The following BLMH variants were observed in gnomAD, a reference collection of about 807,000 sequenced individuals.
BLMH encodes the protein bleomycin hydrolase, also known as BLM hydrolase.
Under a neutral mutation model 61.6 loss-of-function variants are expected in BLMH, and 32 were observed. That is an observed-to-expected ratio of 0.52 (90% CI 0.39 to 0.70). The LOEUF is 0.70. BLMH is among the 30% of genes least tolerant of loss of function. The pLI, the probability that BLMH is intolerant of heterozygous loss-of-function variation, is 0.00. For synonymous variants in BLMH, 183 were observed against 193.8 expected (o/e 0.94, Z 0.46); for missense variants, 460 against 555.5 (o/e 0.83, Z 1.73).
chr17:30,271,861 G>A (rs1439847499), intron 9 of BLMH, among the ~76,000 whole-genome samples: 1 of 152,152 alleles, frequency 6.6e-6, no homozygotes, highest in African/African-American at 2.4e-5. Context: ...TAAATACAAA[G>A]AAACAAAAGG....
Position 30,248,734 on chromosome 17 carries a change from GACAA to G in BLMH, c.*279_*282del, listed in dbSNP as rs1347215066. 11 of 342,746 alleles carry G rather than the reference GACAA, an allele frequency of 3.2e-5. No homozygotes were observed. In the Middle Eastern group the frequency reaches 2.5e-3, roughly 76 times the overall value. 21.2% of individuals were successfully genotyped at this position (342,746 alleles called of 1,614,324 possible). On this transcript the variant is annotated 3_prime_UTR_variant, in exon 12 of 12. Transcript: ENST00000261714. Reference sequence around the variant, plus strand: ...AGAACCAAACTTTTTGACAGTTAAAGACAAACAATTACATCTAATTAAAATGCTA... The same window carrying G: ...AGAACCAAACTTTTTGACAGTTAAAGACAATTACATCTAATTAAAATGCTA...
chr17:30,266,523 CAAAAAAAAAAAA>C (rs770078465), intron 11 of BLMH, among the ~76,000 whole-genome samples: 1 of 53,080 alleles, frequency 1.9e-5, no homozygotes, highest in African/African-American at 5.7e-5. Context: ...AGACTCTGTC[CAAAAAAAAAAAA>C]AAAGAAAAAA....
intron 11 of BLMH, among the ~76,000 whole-genome samples, chr17:30,258,071 G>A (rs544589693): frequency 1.3e-5 from 2 of 152,110 alleles, no homozygotes; most frequent in Admixed American, 6.5e-5. Flanking sequence ...GGGCCCAAAC[G>A]ATCCTCCTGC....
chr17:30,289,392 T>C lies in BLMH; in HGVS notation c.302A>G (p.Tyr101Cys). 1 of 1,607,804 alleles carries C rather than the reference T, an allele frequency of 6.2e-7. No individual in the cohort carries two copies. Among genetic ancestry groups the C allele is most frequent in the South Asian group, 1.1e-5 (1 of 90,678 alleles). ...NIEEFEFSQSYLFFWDKVERC... is the reference protein window; with the variant it reads ...NIEEFEFSQSCLFFWDKVERC... ...CCATACCTTGTCCCAAAAAAACAGG[T>C]AAGATTGGCTAAACTCAAATTCTTC... Residue 101 changes from tyrosine (Y) to cysteine (C), a missense_variant, in exon 3 of 12, where the codon TAC (tyrosine) becomes TGC (cysteine). Tyr to Cys is a radical substitution (Grantham distance 194). Transcript: ENST00000261714.
intron 10 of BLMH, among the ~76,000 whole-genome samples, chr17:30,270,476 T>G (rs956900259): frequency 6.9e-6 from 1 of 144,984 alleles, no homozygotes; most frequent in Non-Finnish European, 1.5e-5. Context: ...CACTCCTGCC[T>G]GGATGACAGA....
At chr17:30,269,546 T>C (rs1252248329) in intron 10 of BLMH, among the ~76,000 whole-genome samples, 2 of 152,156 alleles carry the variant, frequency 1.3e-5, no homozygotes, top group Non-Finnish European at 2.9e-5. Context: ...TTTTGTTAAA[T>C]TGGGGTGATA....
In BLMH at chr17:30,291,641, A is replaced by C. The variant is rs1358296369; in HGVS notation, c.14-133T>G. 2.9e-6 allele frequency: 4 copies of C among 1,387,540 alleles called. No individual in the cohort carries two copies. The Admixed American group carries it at 8.8e-5, about 31-fold the overall frequency. 86.0% of individuals were successfully genotyped at this position (1,387,540 alleles called of 1,614,324 possible). ...TGCAGCGGGGAAACCCATAAGCGGC[A>C]TCCTCCTCCAAGGAGCTGTCTCCCT... On this transcript the variant is annotated intron_variant, in intron 1 of 11. Transcript: ENST00000261714.
At chr17:30,287,077 GCT>G (rs1230140536) in intron 4 of BLMH, among the ~76,000 whole-genome samples, 175 bp from the exon 5 acceptor site, 1 of 151,984 alleles carries the variant, frequency 6.6e-6, no homozygotes, top group Non-Finnish European at 1.5e-5. Flanking sequence ...ACAGAGTTTT[GCT>G]CTGTCACTCA....
At chr17:30,262,613 T>A (rs1397669752) in intron 11 of BLMH, among the ~76,000 whole-genome samples, 1 of 152,018 alleles carries the variant, frequency 6.6e-6, no homozygotes, top group Non-Finnish European at 1.5e-5. Flanking sequence ...GCTAACACAG[T>A]GAAACTCTGT....
At chr17:30,276,468 C>T (rs1369162837) in intron 6 of BLMH, among the ~76,000 whole-genome samples, 1 of 150,108 alleles carries the variant, frequency 6.7e-6, no homozygotes, top group Non-Finnish European at 1.5e-5. Flanking sequence ...AAAGATTATA[C>T]ACTTCTTAAA....
In BLMH at chr17:30,249,090, T is replaced by A. The variant is rs760171440; in HGVS notation, c.1295A>T (p.Glu432Val). 4.3e-6 allele frequency: 7 copies of A among 1,613,980 alleles called. No individual in the cohort carries two copies. The African/African-American group carries it at 9.3e-5, about 22-fold the overall frequency. The change falls in exon 12 of 12, where the codon GAG becomes GTG. Residue 432 changes from glutamate (E) to valine (V), a missense_variant. By Grantham distance (121) the Glu-to-Val change is moderately radical. Around this residue, in one of 5 missense-constraint regions of BLMH, gnomAD observed 310 missense variants for 371.1 expected, o/e 0.84. Transcript: ENST00000261714. ...VVVDRKHVPE[E>V]VLAVLEQEPI... ...TTCCTGCTCTAACACAGCTAGCACC[T>A]CTTCAGGGACATGCTTCCTGTCCAC...
At chr17:30,285,338 T>C in intron 6 of BLMH, 50 bp downstream of exon 6, 2 of 1,292,930 alleles carry the variant, frequency 1.5e-6, no homozygotes, top group African/African-American at 3.0e-5. Context: ...ATGGGAATAT[T>C]CTGAGAGTTC....
chr17:30,266,874 A>G lies in BLMH; in HGVS notation c.1216+11T>C. The G allele has an allele frequency of 6.2e-7, 1 of 1,613,554 alleles. No individual in the cohort carries two copies. The highest frequency in any genetic ancestry group is 8.5e-7 in the Non-Finnish European group (1 of 1,179,524). On this transcript the variant is annotated intron_variant, in intron 11 of 11. Coordinates refer to ENST00000261714, the MANE Select transcript of BLMH (RefSeq NM_000386.4). ...AGTCACCTGGAGTTAGTATTACCAA[A>G]CTGAGCTCACCTTTGTGGCCATGGT... is the stretch of plus-strand genomic sequence containing the variant.
rs549771146 is a variant in BLMH at position 30,266,910 on chromosome 17, T to C, written c.1191A>G (p.Ser397=). 1.2e-6 allele frequency: 2 copies of C among 1,614,152 alleles called. No individual in the cohort carries two copies. The highest frequency in any genetic ancestry group is 3.3e-5 in the Admixed American group (2 of 60,022). Residue 397 remains serine, a synonymous_variant, in exon 11 of 12, where the codon TCA becomes TCG. Transcript: ENST00000261714. ...CTTTGTGGCCATGGTCTTCACCCCATGAATTCTCCACTCTCCATTTTGTGA... is the reference window on the plus strand; with the variant it reads ...CTTTGTGGCCATGGTCTTCACCCCACGAATTCTCCACTCTCCATTTTGTGA... ...GAFTKWRVEN[S]WGEDHGHKGY... is the part of the protein sequence containing the mutation.
chr17:30,269,334 C>T (rs1406559201), intron 10 of BLMH, among the ~76,000 whole-genome samples: 1 of 151,584 alleles, frequency 6.6e-6, no homozygotes, highest in Non-Finnish European at 1.5e-5. Flanking sequence ...GTGCACGCCA[C>T]CATGCCCAGC....
intron 3 of BLMH, among the ~76,000 whole-genome samples, chr17:30,289,165 T>C (rs1908814187): frequency 6.6e-6 from 1 of 152,124 alleles, no homozygotes; most frequent in South Asian, 2.1e-4. Context: ...TCAGTAAACT[T>C]ATTTCATTGC....
chr17:30,280,326 A>G (rs1335150143), intron 6 of BLMH, among the ~76,000 whole-genome samples: 2 of 152,198 alleles, frequency 1.3e-5, no homozygotes, highest in South Asian at 2.1e-4. Context: ...AGTGCTTGAA[A>G]CCACTGCAGA....
intron 2 of BLMH, among the ~76,000 whole-genome samples, chr17:30,290,081 A>T (rs1439678212): frequency 6.6e-6 from 1 of 152,204 alleles, no homozygotes; most frequent in Non-Finnish European, 1.5e-5. Flanking sequence ...TTTTGTAACA[A>T]GAAGAAAACT....
intron 5 of BLMH, 96 bp from the exon 6 acceptor site, chr17:30,285,576 T>G (rs537655865): frequency 1.5e-5 from 14 of 925,446 alleles, no homozygotes; most frequent in African/African-American, 6.7e-5. Context: ...GAGGTATAAC[T>G]CAGGCCAGAC....
Sources: allele counts gnomAD v4.1 joint callset (sites outside exome capture counted in the v4.1 genomes callset), GRCh38; gene constraint gnomAD v4.1.1; regional missense constraint gnomAD v4.1.1; transcripts MANE v1.5; gene names NCBI Gene and HGNC (gene_info 2026-07-23, HGNC 2026-07-21).